Variants in CNTNAP5 observed in about 807,000 individuals in gnomAD.
CNTNAP5 encodes the protein contactin associated protein family member 5, also known as contactin-associated protein-like 5.
Under a neutral mutation model 150.2 loss-of-function variants are expected in CNTNAP5, and 72 were observed. The ratio of observed to expected loss-of-function variants is 0.48; its 90% confidence interval spans 0.40 to 0.58. The LOEUF is 0.58. Among genes scored for constraint, CNTNAP5 ranks in the 20% least tolerant of loss-of-function variants. The pLI is 0.00. For missense variants in CNTNAP5, 1,636 were observed against 1,626.2 expected (o/e 1.01, Z -0.10); for synonymous variants, 672 against 619.8 (o/e 1.08, Z -1.25).
chr2:124,620,216 G>A (rs540785382), intron 12 of CNTNAP5, among the ~76,000 whole-genome samples: 11 of 152,136 alleles, frequency 7.2e-5, no homozygotes, highest in African/African-American at 2.7e-4. Context: ...AGAAATCACT[G>A]CCAAATTGAA....
At chr2:124,171,988 G>A (rs1297482643) in intron 1 of CNTNAP5, among the ~76,000 whole-genome samples, 2 of 152,136 alleles carry the variant, frequency 1.3e-5, no homozygotes, top group African/African-American at 4.8e-5. Context: ...AGGAATTAAG[G>A]CTTTAACATT....
At chr2:124,157,248 G>A (rs568295417) in intron 1 of CNTNAP5, among the ~76,000 whole-genome samples, 3 of 152,134 alleles carry the variant, frequency 2.0e-5, no homozygotes, top group Non-Finnish European at 4.4e-5. Flanking sequence ...GAGACCATGA[G>A]TTTTTATTTT....
intron 10 of CNTNAP5, among the ~76,000 whole-genome samples, chr2:124,534,286 C>T (rs922153983): frequency 4.0e-5 from 6 of 151,894 alleles, no homozygotes; most frequent in East Asian, 1.9e-4. Flanking sequence ...TGGAGTGACT[C>T]CATGGAGTAA....
intron 13 of CNTNAP5, among the ~76,000 whole-genome samples, chr2:124,706,795 A>AAGAAGAAGAAGAAGAAGG (rs1553433527): frequency 1.6e-4 from 3 of 18,874 alleles, no homozygotes; most frequent in Non-Finnish European, 3.1e-4. Context: ...GAAGAAGAAG[A>AAGAAGAAGAAGAAGAAGG]AGGAGGAGGA....
chr2:124,101,699 C>T (rs1683066483), intron 1 of CNTNAP5, among the ~76,000 whole-genome samples: 1 of 152,206 alleles, frequency 6.6e-6, no homozygotes, highest in Non-Finnish European at 1.5e-5. Context: ...CAGCTATTCA[C>T]TCACTTCAGC....
intron 3 of CNTNAP5, among the ~76,000 whole-genome samples, chr2:124,246,489 G>A (rs1687031854): frequency 6.6e-6 from 1 of 152,104 alleles, no homozygotes; most frequent in Non-Finnish European, 1.5e-5. Flanking sequence ...TTCCTGATTG[G>A]TGTGTAGACA....
chr2:124,066,249 G>A (rs1176622252), intron 1 of CNTNAP5, among the ~76,000 whole-genome samples: 1 of 152,170 alleles, frequency 6.6e-6, no homozygotes, highest in East Asian at 1.9e-4. Flanking sequence ...ACTCTGGACT[G>A]TTTCTGTTTA....
At chr2:124,311,428 T>C (rs1482977119) in intron 3 of CNTNAP5, among the ~76,000 whole-genome samples, 1 of 151,876 alleles carries the variant, frequency 6.6e-6, no homozygotes. Flanking sequence ...AAGAAAAGAA[T>C]AGGGGGAAAG....
intron 13 of CNTNAP5, among the ~76,000 whole-genome samples, chr2:124,726,478 C>T (rs920156655): frequency 1.3e-5 from 2 of 151,960 alleles, no homozygotes; most frequent in African/African-American, 4.8e-5. Context: ...TTGTTAGTTT[C>T]CTAAGTTCTC....
chr2:124,265,894 G>T (rs958924931), intron 3 of CNTNAP5, among the ~76,000 whole-genome samples: 19 of 152,080 alleles, frequency 1.2e-4, no homozygotes, highest in African/African-American at 4.6e-4. Context: ...CCTCCAAGCG[G>T]ATAATTCAGT....
intron 16 of CNTNAP5, among the ~76,000 whole-genome samples, chr2:124,764,371 A>G (rs1044343969): frequency 5.3e-5 from 8 of 152,146 alleles, no homozygotes; most frequent in Non-Finnish European, 1.2e-4. Context: ...GATATTCCGA[A>G]AATTCCCATA....
At chr2:124,444,239 C>T (rs985177401) in intron 5 of CNTNAP5, among the ~76,000 whole-genome samples, 2 of 152,006 alleles carry the variant, frequency 1.3e-5, no homozygotes, top group African/African-American at 4.8e-5. Context: ...TATGGCCGGT[C>T]TTATAGCCAG....
intron 1 of CNTNAP5, among the ~76,000 whole-genome samples, chr2:124,092,095 T>C (rs1367172531): frequency 6.6e-6 from 1 of 152,172 alleles, no homozygotes; most frequent in African/African-American, 2.4e-5. Flanking sequence ...CCCTTCCTTT[T>C]TCCTTTAACT....
chr2:124,490,161 C>A (rs776531136), intron 7 of CNTNAP5, among the ~76,000 whole-genome samples: 2 of 151,940 alleles, frequency 1.3e-5, no homozygotes, highest in African/African-American at 4.8e-5. Flanking sequence ...TGGTGAAACC[C>A]CATCTCTACT....
At chr2:124,669,678 C>T (rs1184374863) in intron 13 of CNTNAP5, among the ~76,000 whole-genome samples, 1 of 152,220 alleles carries the variant, frequency 6.6e-6, no homozygotes, top group Non-Finnish European at 1.5e-5. Context: ...TCCAAATATG[C>T]TCTTCCAGCA....
intron 11 of CNTNAP5, among the ~76,000 whole-genome samples, chr2:124,581,702 G>C (rs1696417157): frequency 6.6e-6 from 1 of 152,126 alleles, no homozygotes; most frequent in South Asian, 2.1e-4. Context: ...CAAAGACCTA[G>C]CCAGCACAGA....
intron 19 of CNTNAP5, among the ~76,000 whole-genome samples, chr2:124,809,610 A>G (rs771322071): frequency 1.3e-5 from 2 of 151,972 alleles, no homozygotes; most frequent in South Asian, 4.2e-4. Flanking sequence ...GCAAACAATG[A>G]GAAATAACTT....
chr2:124,546,229 C>T (rs1175161508), intron 10 of CNTNAP5, among the ~76,000 whole-genome samples: 4 of 152,064 alleles, frequency 2.6e-5, no homozygotes, highest in Non-Finnish European at 5.9e-5. Flanking sequence ...TAAATTTTTT[C>T]CTGCACAGTG....
chr2:124,203,021 C>T (rs1289958741), intron 1 of CNTNAP5, among the ~76,000 whole-genome samples: 3 of 152,142 alleles, frequency 2.0e-5, no homozygotes, highest in Non-Finnish European at 4.4e-5. Flanking sequence ...CAAAAGTCCA[C>T]AGTCCAAAGT....
Sources: allele counts gnomAD v4.1 joint callset (sites outside exome capture counted in the v4.1 genomes callset), GRCh38; gene constraint gnomAD v4.1.1; transcripts MANE v1.5; gene names NCBI Gene and HGNC (gene_info 2026-07-23, HGNC 2026-07-21).